SPG11: variants seen among roughly 807,000 people sequenced by gnomAD.
SPG11 encodes the protein SPG11 vesicle trafficking associated, spatacsin.
SPG11 carries 222 observed loss-of-function variants against 274.0 expected under a neutral mutation model. The observed-to-expected ratio is 0.81, with a 90% CI of 0.73 to 0.91. The LOEUF is 0.91. Ranked by LOEUF, SPG11 falls within the 40% of genes least tolerant of loss-of-function variation. The pLI is 0.00. For missense variants in SPG11, 3,114 were observed against 2,872.7 expected (o/e 1.08, Z -1.92); for synonymous variants, 1,144 against 1,039.7 (o/e 1.10, Z -1.93).
chr15:44,658,023 T>G (rs2084990165), intron 3 of SPG11, among the ~76,000 whole-genome samples: 1 of 152,136 alleles, frequency 6.6e-6, no homozygotes, highest in Admixed American at 6.5e-5. Context: ...AGACCCTGTC[T>G]CAGGAGAAGA....
At chr15:44,574,234 C>T (rs993619149) in intron 31 of SPG11, among the ~76,000 whole-genome samples, 1 of 152,320 alleles carries the variant, frequency 6.6e-6, no homozygotes, top group Middle Eastern at 3.4e-3. Flanking sequence ...AAACTCCTGC[C>T]CTCAAGTAAT....
chr15:44,576,142 C>A (rs1250597850), intron 30 of SPG11, among the ~76,000 whole-genome samples: 5 of 43,066 alleles, frequency 1.2e-4, no homozygotes, highest in African/African-American at 3.0e-4. Flanking sequence ...AACTCCATCT[C>A]AAAAAAAAAA....
At position 44,651,736 on chromosome 15, in the gene SPG11, G is replaced by A; in HGVS notation, c.1211C>T (p.Ala404Val). 1 of 1,614,162 alleles carries A rather than the reference G, an allele frequency of 6.2e-7. No individual in the cohort carries two copies. Among genetic ancestry groups the A allele is most frequent in the East Asian group, 2.2e-5 (1 of 44,890 alleles). The change falls in exon 6 of 40, where the codon GCC (alanine) becomes GTC (valine). Residue 404 changes from alanine to valine, a missense_variant. Transcript: ENST00000261866. ...TGATCTTCCTGGATCACTGGTCTTG[G>A]CATGATCTTTCTGTAGAACATTATA... Reference protein sequence around the residue: ...GQYNVLQKDHAKTSDPGRSWK... With the variant: ...GQYNVLQKDHVKTSDPGRSWK...
chr15:44,578,264 C>CTCAT (rs1182223854), intron 30 of SPG11, among the ~76,000 whole-genome samples: 4 of 150,850 alleles, frequency 2.7e-5, no homozygotes, highest in African/African-American at 7.3e-5. Context: ...TTGATCTGAC[C>CTCAT]TCATGATCCG....
Position 44,584,277 on chromosome 15 carries a change from G to C in SPG11, c.5403C>G (p.Ile1801Met). 1 of 1,613,644 alleles carries C rather than the reference G, an allele frequency of 6.2e-7. No homozygotes were observed. The highest frequency in any genetic ancestry group is 1.7e-4 in the Middle Eastern group (1 of 6,058). ...LDKLEELEKQ[I>M]WLCRITQHTL... is the part of the protein sequence containing the mutation. ...TGTGCTGGGTGATGCGGCACAGCCA[G>C]ATCTGCTTCTCCAGCTCCTCCAGCT... is the stretch of plus-strand genomic sequence containing the variant. The change falls in exon 30 of 40, where the codon ATC becomes ATG. Residue 1801 changes from isoleucine to methionine, a missense_variant. Coordinates refer to ENST00000261866, the MANE Select transcript of SPG11 (RefSeq NM_025137.4).
Position 44,566,198 on chromosome 15 carries a change from A to G in SPG11, c.6843+19T>C, listed in dbSNP as rs767872719. On this transcript the variant is annotated intron_variant, in intron 37 of 39. Transcript: ENST00000261866. The stretch of plus-strand genomic sequence containing the variant: ...GACAGCAAGTCCCAAGGCCAGTCTG[A>G]AAAAAGCCTTTGGGTTACCTTGGCA... The G allele has an allele frequency of 6.2e-7, 1 of 1,613,538 alleles. No individual in the cohort carries two copies. Among genetic ancestry groups the G allele is most frequent in the Non-Finnish European group, 8.5e-7 (1 of 1,179,414 alleles).
intron 30 of SPG11, among the ~76,000 whole-genome samples, chr15:44,580,147 T>C (rs1218150291): frequency 6.6e-6 from 1 of 152,198 alleles, no homozygotes; most frequent in African/African-American, 2.4e-5. Flanking sequence ...ATCATATTTT[T>C]TACTGTACCT....
rs761054258 is a variant in SPG11, at chr15:44,621,891, A to C, written c.2488T>G (p.Leu830Val). The change falls in exon 14 of 40, where the codon TTG (leucine) becomes GTG (valine). Residue 830 changes from leucine (L) to valine (V), a missense_variant. Coordinates refer to ENST00000261866, the MANE Select transcript of SPG11 (RefSeq NM_025137.4). Reference sequence around the variant, plus strand: ...CAATCATATTTCAGGAATGAGTCCAAAACAGACTTGTGCTTGAAAAAATCT... The same window carrying C: ...CAATCATATTTCAGGAATGAGTCCACAACAGACTTGTGCTTGAAAAAATCT... The part of the protein sequence containing the change: ...EQDFFKHKSV[L>V]DSFLKYDCKD... The C allele has an allele frequency of 6.2e-7, 1 of 1,613,964 alleles. No homozygotes were observed. Among genetic ancestry groups the C allele is most frequent in the South Asian group, 1.1e-5 (1 of 91,082 alleles).
chr15:44,583,910 TA>T lies in SPG11; in HGVS notation c.5769del (p.Ser1923ArgfsTer28), dbSNP rs312262770. 2.5e-5 allele frequency: 41 copies of T among 1,614,052 alleles called. No individual in the cohort carries two copies. In the South Asian group the frequency reaches 4.5e-4, roughly 18 times the overall value. On this transcript the variant is annotated frameshift_variant, in exon 30 of 40. Coordinates refer to ENST00000261866, the MANE Select transcript of SPG11 (RefSeq NM_025137.4). LOFTEE classifies it high-confidence loss of function. ...HCRALASGEA[S>X]MEDLHPEIHA... is the part of the protein sequence containing the mutation. The stretch of plus-strand genomic sequence containing the variant: ...TGGATCTCTGGGTGCAGATCCTCCA[TA>T]CTAGCTTCCCCTGAGGCCAGTGCTC...
At chr15:44,602,037 T>C (rs1567154159) in intron 20 of SPG11, among the ~76,000 whole-genome samples, 1 of 152,242 alleles carries the variant, frequency 6.6e-6, no homozygotes, top group African/African-American at 2.4e-5. Flanking sequence ...TGTTGGTATA[T>C]AGAAACACTG....
intron 7 of SPG11, among the ~76,000 whole-genome samples, chr15:44,648,192 T>C (rs1185313221): frequency 6.6e-6 from 1 of 152,130 alleles, no homozygotes; most frequent in African/African-American, 2.4e-5. Flanking sequence ...TAAATTCAGG[T>C]TATGCCTCTT....
Position 44,596,180 on chromosome 15 carries a change from A to G in SPG11, c.4337T>C (p.Leu1446Pro). 1.2e-6 allele frequency: 2 copies of G among 1,614,124 alleles called. No individual in the cohort carries two copies. The highest frequency in any genetic ancestry group is 1.7e-6 in the Non-Finnish European group (2 of 1,180,016). ...GGAGTCTGGCTCCTCTGAGCATTGG[A>G]GCAGAATTTCAAATAAATCGGTCAT... Reference protein sequence around the residue: ...QEMTDLFEILLQCSEEPDSWH... With the variant: ...QEMTDLFEILPQCSEEPDSWH... Residue 1446 changes from leucine (L) to proline (P), a missense_variant, in exon 25 of 40, where the codon CTC becomes CCC. Physicochemically the swap from Leu to Pro is moderately conservative, Grantham distance 98. Coordinates refer to ENST00000261866, the MANE Select transcript of SPG11 (RefSeq NM_025137.4).
chr15:44,602,114 C>G (rs1453513478), intron 20 of SPG11, among the ~76,000 whole-genome samples: 1 of 152,136 alleles, frequency 6.6e-6, no homozygotes, highest in Non-Finnish European at 1.5e-5. Context: ...AACAGTTTTA[C>G]TGGTAGAGTC....
At chr15:44,612,782 C>T (rs1265829138) in intron 17 of SPG11, among the ~76,000 whole-genome samples, 1 of 151,758 alleles carries the variant, frequency 6.6e-6, no homozygotes, top group African/African-American at 2.4e-5. Context: ...GCATGCAAAA[C>T]CAAAAAACAA....
At chr15:44,620,665 G>T (rs1052055914) in intron 14 of SPG11, 1 of 407,244 alleles carries the variant, frequency 2.5e-6, no homozygotes, top group African/African-American at 2.0e-5. Context: ...TGCCCAAGTA[G>T]CAGGGACTAC....
intron 17 of SPG11, 99 bp downstream of exon 17, chr15:44,613,331 C>T (rs2083508298): frequency 3.6e-6 from 3 of 842,554 alleles, no homozygotes; most frequent in Non-Finnish European, 6.0e-6. Context: ...TGACCACAGC[C>T]AAATAATTTA....
chr15:44,635,193 G>A (rs2084202143), intron 7 of SPG11, among the ~76,000 whole-genome samples: 3 of 152,090 alleles, frequency 2.0e-5, no homozygotes, highest in Admixed American at 2.0e-4. Flanking sequence ...TCCAGCCTGG[G>A]CAGCACAGCA....
chr15:44,568,181 A>C (rs2082347849), intron 35 of SPG11, among the ~76,000 whole-genome samples: 1 of 152,248 alleles, frequency 6.6e-6, no homozygotes, highest in Admixed American at 6.5e-5. Flanking sequence ...ATGGATAGAC[A>C]CTGAGGGCTT....
rs1891629990 is a variant in SPG11, at chr15:44,663,379, C to T, written c.257+12G>A. On this transcript the variant is annotated intron_variant, in intron 1 of 39. Coordinates refer to ENST00000261866, the MANE Select transcript of SPG11 (RefSeq NM_025137.4). The stretch of plus-strand genomic sequence containing the variant: ...GACTCCCCCAACGGCCCAACTCTCC[C>T]TCAGCACTTACTGCCAGAAGGGGCC... The T allele has an allele frequency of 6.2e-7, 1 of 1,605,478 alleles. No homozygotes were observed. The highest frequency in any genetic ancestry group is 2.3e-5 in the East Asian group (1 of 44,306).
Sources: allele counts gnomAD v4.1 joint callset (sites outside exome capture counted in the v4.1 genomes callset), GRCh38; gene constraint gnomAD v4.1.1; transcripts MANE v1.5; gene names NCBI Gene and HGNC (gene_info 2026-07-23, HGNC 2026-07-21).